AKAP9: variants seen among roughly 807,000 people sequenced by gnomAD.
AKAP9 encodes the protein A-kinase anchoring protein 9.
AKAP9 carries 311 observed loss-of-function variants against 488.5 expected under a neutral mutation model. The observed-to-expected ratio is 0.64, with a 90% CI of 0.58 to 0.70. The LOEUF (loss-of-function observed/expected upper bound fraction) is 0.70. AKAP9 is among the 30% of genes least tolerant of loss of function. The probability of loss-of-function intolerance (pLI) is 0.00; values close to 1 mark genes in which losing one functional copy is unlikely to be tolerated. For missense variants in AKAP9, 4,215 were observed against 4,374.5 expected (o/e 0.96, Z 1.03); for synonymous variants, 1,462 against 1,483.5 (o/e 0.99, Z 0.33).
chr7:91,955,152 C>CGAA (rs1792804538), intron 1 of AKAP9, among the ~76,000 whole-genome samples: 1 of 152,084 alleles, frequency 6.6e-6, no homozygotes, highest in Non-Finnish European at 1.5e-5. Flanking sequence ...AGTGACTGAC[C>CGAA]TTTCTTTCCT....
chr7:91,948,479 G>T (rs1791754491), intron 1 of AKAP9, among the ~76,000 whole-genome samples: 1 of 149,468 alleles, frequency 6.7e-6, no homozygotes. Flanking sequence ...TTGTTTTTTT[G>T]TTTTTTTAAT....
At chr7:91,955,081 C>T (rs1281624450) in intron 1 of AKAP9, among the ~76,000 whole-genome samples, 3 of 152,086 alleles carry the variant, frequency 2.0e-5, no homozygotes, top group Non-Finnish European at 4.4e-5. Flanking sequence ...TGAATCTCCT[C>T]GTGTTATCTT....
At chr7:91,952,061 T>G (rs1221930207) in intron 1 of AKAP9, among the ~76,000 whole-genome samples, 1 of 152,180 alleles carries the variant, frequency 6.6e-6, no homozygotes, top group African/African-American at 2.4e-5. Flanking sequence ...AAACACCCTT[T>G]TCATTTTGTT....
intron 1 of AKAP9, among the ~76,000 whole-genome samples, chr7:91,949,002 C>T (rs1036025214): frequency 4.6e-5 from 7 of 152,168 alleles, no homozygotes; most frequent in Non-Finnish European, 8.8e-5. Flanking sequence ...CTGCCCACCT[C>T]GGCCTCCCAA....
At chr7:91,988,293 CTCT>C (rs1797345040) in intron 3 of AKAP9, among the ~76,000 whole-genome samples, 1 of 116,872 alleles carries the variant, frequency 8.6e-6, no homozygotes, top group Non-Finnish European at 1.7e-5. Context: ...GCAAGACCCC[CTCT>C]CAAAAAAAAA....
In AKAP9 at chr7:92,016,134, A is replaced by G; in HGVS notation, c.3618A>G (p.Leu1206=). ...SEECSYFLQT[L]CSVLGEYYTP... ...CACAATTTTGTTGTTAACAGACTTT[A>G]TGCAGTGTCCTTGGTGAATATTATA... Residue 1206 remains leucine, a synonymous_variant, in exon 11 of 50, where the codon TTA becomes TTG. Transcript: ENST00000356239. 1 of 1,602,894 alleles carries G rather than the reference A, an allele frequency of 6.2e-7. No homozygotes were observed. Among genetic ancestry groups the G allele is most frequent in the Middle Eastern group, 1.7e-4 (1 of 6,018 alleles).
chr7:92,104,863 A>G (rs1464543826), intron 46 of AKAP9, among the ~76,000 whole-genome samples: 1 of 152,228 alleles, frequency 6.6e-6, no homozygotes, highest in East Asian at 1.9e-4. Context: ...ACCTAAAGGC[A>G]GCTCACTTTC....
At chr7:92,036,201 C>T (rs1563023989) in intron 16 of AKAP9, among the ~76,000 whole-genome samples, 1 of 152,006 alleles carries the variant, frequency 6.6e-6, no homozygotes, top group South Asian at 2.1e-4. Context: ...TTGTTTCTGT[C>T]GACAAGGTCC....
chr7:92,104,432 C>G (rs1451438111), intron 46 of AKAP9, among the ~76,000 whole-genome samples: 1 of 152,068 alleles, frequency 6.6e-6, no homozygotes, highest in Non-Finnish European at 1.5e-5. Flanking sequence ...ACCTCATGAT[C>G]CGCCCGCCTC....
At chr7:91,988,344 C>A (rs974596902) in intron 3 of AKAP9, among the ~76,000 whole-genome samples, 1 of 142,914 alleles carries the variant, frequency 7.0e-6, no homozygotes, top group Non-Finnish European at 1.5e-5. Flanking sequence ...ATAGTGTGTG[C>A]CTGTACTTCC....
intron 1 of AKAP9, among the ~76,000 whole-genome samples, chr7:91,963,357 T>G (rs542419178): frequency 6.6e-6 from 1 of 152,274 alleles, no homozygotes; most frequent in South Asian, 2.1e-4. Flanking sequence ...GGCTAGTGAT[T>G]AGCTATTTCT....
At chr7:92,091,301 A>T (rs1039415736) in intron 38 of AKAP9, among the ~76,000 whole-genome samples, 1 of 152,080 alleles carries the variant, frequency 6.6e-6, no homozygotes, top group Non-Finnish European at 1.5e-5. Flanking sequence ...TATAAAGCTG[A>T]AGCAGGCTGG....
chr7:92,003,297 G>C, intron 8 of AKAP9, 62 bp downstream of exon 8: 1 of 1,275,522 alleles, frequency 7.8e-7, no homozygotes, highest in South Asian at 1.2e-5. Flanking sequence ...TCACACTAAG[G>C]TTTCACCTTC....
chr7:91,958,539 C>T (rs1021484765), intron 1 of AKAP9, among the ~76,000 whole-genome samples: 1 of 152,078 alleles, frequency 6.6e-6, no homozygotes, highest in Non-Finnish European at 1.5e-5. Flanking sequence ...CTAAACAGCA[C>T]TTTCTTTAGG....
In AKAP9 at chr7:92,002,786, CAG is replaced by C; in HGVS notation, c.2873_2874del (p.Arg958ThrfsTer3). ...VTKREKLELS[Q>X]RLSDLSEQLK... ...CAAGCGAGAGAAATTAGAGCTGTCA[CAG>C]AGACTGTCTGATCTTTCTGAACAAT... On this transcript the variant is annotated frameshift_variant, in exon 8 of 50. Transcript: ENST00000356239. LOFTEE classifies it high-confidence loss of function. 2 of 1,613,692 alleles carry C rather than the reference CAG, an allele frequency of 1.2e-6. No homozygotes were observed. The highest frequency in any genetic ancestry group is 1.3e-5 in the African/African-American group (1 of 75,026).
intron 16 of AKAP9, 139 bp from the exon 17 acceptor site, chr7:92,038,280 T>C (rs1284618360): frequency 1.7e-6 from 1 of 594,574 alleles, no homozygotes; most frequent in African/African-American, 1.9e-5. Context: ...GGTATTACTT[T>C]ATTATAGGAT....
At chr7:92,043,418 CTT>C (rs1806440574) in intron 20 of AKAP9, 1 of 751,796 alleles carries the variant, frequency 1.3e-6, no homozygotes, top group Non-Finnish European at 1.6e-6. Context: ...AAAATAAACA[CTT>C]TGTTTATTTT....
In AKAP9 at chr7:92,086,291, C is replaced by G. The variant is rs550336684; in HGVS notation, c.9088C>G (p.Leu3030Val). The change falls in exon 37 of 50, where the codon CTT becomes GTT. Residue 3030 changes from leucine (L) to valine (V), a missense_variant. By Grantham distance (32) the Leu-to-Val change is conservative (BLOSUM62 1). Transcript: ENST00000356239. ...SDWRGELLLA[L>V]QQVFLEERSV... Reference sequence around the variant, plus strand: ...CTGGCGAGGTGAACTACTGCTTGCCCTTCAACAAGTTTTCTTAGAAGAGCG... The same window carrying G: ...CTGGCGAGGTGAACTACTGCTTGCCGTTCAACAAGTTTTCTTAGAAGAGCG... 1.9e-6 allele frequency: 3 copies of G among 1,614,110 alleles called. No homozygotes were observed. In the East Asian group the frequency reaches 6.7e-5, roughly 36 times the overall value.
chr7:92,038,843 C>A, intron 17 of AKAP9, 71 bp downstream of exon 17: 2 of 1,010,718 alleles, frequency 2.0e-6, no homozygotes, highest in Non-Finnish European at 3.0e-6. Flanking sequence ...AAAATATTAG[C>A]AATAGTGCTG....
Sources: allele counts gnomAD v4.1 joint callset (sites outside exome capture counted in the v4.1 genomes callset), GRCh38; gene constraint gnomAD v4.1.1; transcripts MANE v1.5; gene names NCBI Gene and HGNC (gene_info 2026-07-23, HGNC 2026-07-21).